The following MAN2A1 variants were observed in gnomAD, a reference collection of about 807,000 sequenced individuals.
The protein encoded by MAN2A1 is mannosidase alpha class 2A member 1.
A neutral mutation model predicts 142.6 loss-of-function variants in MAN2A1; 76 were observed. That is an observed-to-expected ratio of 0.53 (90% CI 0.44 to 0.65). The LOEUF is 0.65. MAN2A1 is among the 30% of genes least tolerant of loss of function. MAN2A1 has a pLI of 0.00. For missense variants in MAN2A1, 1,311 were observed against 1,365.1 expected, an observed-to-expected ratio of 0.96 and a Z score of 0.62; for synonymous variants, 559 against 473.2, an observed-to-expected ratio of 1.18 and a Z score of -2.35.
chr5:109,848,192 G>T (rs1467471289), intron 19 of MAN2A1, among the ~76,000 whole-genome samples: 1 of 152,124 alleles, frequency 6.6e-6, no homozygotes, highest in East Asian at 1.9e-4. Flanking sequence ...AAATCTTAGT[G>T]TACTTATTCT....
In MAN2A1 at chr5:109,805,321, A is replaced by G. The variant is rs560180818; in HGVS notation, c.1944-11952A>G. 9.2e-5 allele frequency among the ~76,000 whole-genome samples: 14 copies of G among 152,202 alleles called. No homozygotes were observed. In the East Asian group the frequency reaches 2.7e-3, roughly 29 times the overall value. The stretch of plus-strand genomic sequence containing the variant: ...GTTGTGTACTGGAAATAGTTGTAAA[A>G]TTTTTCAATCTTTTCTTTACAAAAA... On this transcript the variant is annotated intron_variant, in intron 12 of 21. Coordinates refer to ENST00000261483, the MANE Select transcript of MAN2A1 (RefSeq NM_002372.4).
At position 109,820,424 on chromosome 5, in the gene MAN2A1, T is replaced by G. The variant is rs1247949297; in HGVS notation, c.2451+82T>G. 17 of 1,323,862 alleles carry G rather than the reference T, an allele frequency of 1.3e-5. No homozygotes were observed. In the Admixed American group the frequency reaches 3.6e-4, roughly 28 times the overall value. 82.0% of individuals were successfully genotyped at this position (1,323,862 alleles called of 1,614,324 possible). A position where few individuals can be genotyped will look rare whatever the true frequency, so the allele number is the denominator to read the frequency against. On this transcript the variant is annotated intron_variant, in intron 15 of 21. Coordinates refer to ENST00000261483, the MANE Select transcript of MAN2A1 (RefSeq NM_002372.4). ...GGAAAAAGATAAGTGAGTGTCATTA[T>G]TTTATCATCTGTTGATTTATTAGGG...
At position 109,713,790 on chromosome 5, in the gene MAN2A1, G is replaced by A. The variant is rs773057063; in HGVS notation, c.390+16G>A. ...AGATGTGCAGGTAATGTATACATTC[G>A]TTAATAATCACTGGCCTTTTTTTTT... is the stretch of plus-strand genomic sequence containing the variant. On this transcript the variant is annotated intron_variant, in intron 2 of 21. Transcript: ENST00000261483. 8 of 1,566,598 alleles carry A rather than the reference G, an allele frequency of 5.1e-6. No individual in the cohort carries two copies. The highest frequency in any genetic ancestry group is 2.4e-5 in the South Asian group (2 of 83,212).
chr5:109,745,354 A>G (rs1379209425), intron 4 of MAN2A1, among the ~76,000 whole-genome samples: 2 of 152,194 alleles, frequency 1.3e-5, no homozygotes, highest in Non-Finnish European at 2.9e-5. Flanking sequence ...TTGATATGGA[A>G]AGATGCTCAT....
intron 12 of MAN2A1, among the ~76,000 whole-genome samples, chr5:109,811,487 C>T (rs956113407): frequency 4.0e-5 from 6 of 151,430 alleles, no homozygotes; most frequent in African/African-American, 7.3e-5. Context: ...TCATTTTCTG[C>T]GTATATTATA....
intron 16 of MAN2A1, among the ~76,000 whole-genome samples, chr5:109,824,843 T>A (rs1450794941): frequency 6.6e-6 from 1 of 152,174 alleles, no homozygotes; most frequent in Admixed American, 6.5e-5. Context: ...TTTATTTAAC[T>A]TTTTTATTAA....
At chr5:109,691,079 T>G (rs1286550377) in intron 1 of MAN2A1, among the ~76,000 whole-genome samples, 1 of 152,202 alleles carries the variant, frequency 6.6e-6, no homozygotes, top group Admixed American at 6.5e-5. Context: ...TGCGGCCCTT[T>G]TAGATGTGAA....
chr5:109,855,245 A>G lies in MAN2A1; in HGVS notation c.3082A>G (p.Thr1028Ala). 2 of 1,607,662 alleles carry G rather than the reference A, an allele frequency of 1.2e-6. No individual in the cohort carries two copies. Among genetic ancestry groups the G allele is most frequent in the Non-Finnish European group, 1.7e-6 (2 of 1,177,566 alleles). The change falls in exon 20 of 22, where the codon ACC becomes GCC. Residue 1028 changes from threonine to alanine, a missense_variant. Thr to Ala is a moderately conservative substitution (Grantham distance 58). Transcript: ENST00000261483. ...IPMANKFSSPTLELQGEFSPL... is the reference protein window; with the variant it reads ...IPMANKFSSPALELQGEFSPL... ...AATGGCAAATAAGTTCTCCTCACCT[A>G]CCCTTGAGCTGCAAGGTGAATTCTC...
intron 18 of MAN2A1, among the ~76,000 whole-genome samples, chr5:109,847,085 T>A (rs961214879): frequency 7.2e-5 from 11 of 152,118 alleles, no homozygotes; most frequent in Non-Finnish European, 1.6e-4. Context: ...TACAATTTTT[T>A]AAAAAACACT....
chr5:109,701,293 G>A (rs1296173731), intron 1 of MAN2A1, among the ~76,000 whole-genome samples: 2 of 152,222 alleles, frequency 1.3e-5, no homozygotes, highest in Non-Finnish European at 2.9e-5. Flanking sequence ...ATACTTTGAA[G>A]GGAGAAAGAA....
chr5:109,726,744 T>C (rs1234944956), intron 3 of MAN2A1, among the ~76,000 whole-genome samples: 1 of 152,200 alleles, frequency 6.6e-6, no homozygotes, highest in Non-Finnish European at 1.5e-5. Flanking sequence ...CTTTTACTTA[T>C]CAATCTTCAT....
intron 20 of MAN2A1, 25 bp from the exon 21 acceptor site, chr5:109,865,011 G>A (rs1309022821): frequency 1.3e-6 from 2 of 1,497,052 alleles, no homozygotes; most frequent in Admixed American, 1.7e-5. Flanking sequence ...TCTGCGCGGT[G>A]TGACTGCATT....
chr5:109,717,033 G>A (rs1253119041), intron 3 of MAN2A1, among the ~76,000 whole-genome samples: 3 of 151,682 alleles, frequency 2.0e-5, no homozygotes, highest in Non-Finnish European at 4.4e-5. Context: ...GTTGGTTTGA[G>A]TACCCAGTCA....
intron 3 of MAN2A1, among the ~76,000 whole-genome samples, chr5:109,723,564 C>A (rs1232063241): frequency 6.6e-6 from 1 of 152,162 alleles, no homozygotes; most frequent in Non-Finnish European, 1.5e-5. Flanking sequence ...TTTTCTGTTT[C>A]TCTGCTTCTA....
At chr5:109,704,225 C>CTGAG (rs1405209724) in intron 1 of MAN2A1, among the ~76,000 whole-genome samples, 8 of 152,206 alleles carry the variant, frequency 5.3e-5, no homozygotes, top group African/African-American at 1.7e-4. Context: ...GCACTCTTAC[C>CTGAG]TGCATCTGAG....
intron 16 of MAN2A1, among the ~76,000 whole-genome samples, chr5:109,832,568 A>T (rs961872544): frequency 2.0e-5 from 3 of 152,182 alleles, no homozygotes; most frequent in South Asian, 4.2e-4. Flanking sequence ...TCCCATGTCT[A>T]CTTCTTTCTA....
chr5:109,760,700 G>A (rs1287991639), intron 5 of MAN2A1, among the ~76,000 whole-genome samples: 1 of 152,026 alleles, frequency 6.6e-6, no homozygotes, highest in Non-Finnish European at 1.5e-5. Flanking sequence ...ATCTCATTGT[G>A]GTTTTGATTT....
In MAN2A1 at chr5:109,820,144, A is replaced by T. The variant is rs576120243; in HGVS notation, c.2329-76A>T. 3.6e-5 allele frequency: 46 copies of T among 1,285,044 alleles called. No individual in the cohort carries two copies. In the African/African-American group the frequency reaches 6.6e-4, roughly 18 times the overall value. The allele number at this position is 1,285,044 out of a possible 1,614,324, so 79.6% of individuals were successfully genotyped here. ...ACAGAAATTATTTTTTTAAATTGTC[A>T]TATACATAGAACCAGATGCAACATG... On this transcript the variant is annotated intron_variant, in intron 14 of 21. Coordinates refer to ENST00000261483, the MANE Select transcript of MAN2A1 (RefSeq NM_002372.4).
chr5:109,734,551 A>G (rs994824418), intron 4 of MAN2A1, among the ~76,000 whole-genome samples: 10 of 152,166 alleles, frequency 6.6e-5, no homozygotes, highest in Admixed American at 6.5e-4. Context: ...AATGTGTCCC[A>G]GAGATTCTGG....
Sources: allele counts gnomAD v4.1 joint callset (sites outside exome capture counted in the v4.1 genomes callset), GRCh38; gene constraint gnomAD v4.1.1; transcripts MANE v1.5; gene names NCBI Gene and HGNC (gene_info 2026-07-23, HGNC 2026-07-21).